The following FLT1 variants were observed in gnomAD, a reference collection of about 807,000 sequenced individuals.
FLT1 encodes fms related receptor tyrosine kinase 1, also known as vascular endothelial growth factor receptor 1.
Under a neutral mutation model 156.3 loss-of-function variants are expected in FLT1, and 49 were observed. The ratio of observed to expected loss-of-function variants is 0.31; its 90% CI spans 0.25 to 0.40. The LOEUF is 0.40. Ranked by LOEUF, FLT1 falls within the 10% of genes least tolerant of loss-of-function variation. The pLI is 1.00. For missense variants in FLT1, 1,322 were observed against 1,637.2 expected (o/e 0.81, Z 3.32); for synonymous variants, 594 against 583.8 (o/e 1.02, Z -0.25).
chr13:28,381,394 C>A (rs1346738498), intron 14 of FLT1, among the ~76,000 whole-genome samples: 1 of 152,014 alleles, frequency 6.6e-6, no homozygotes, highest in Non-Finnish European at 1.5e-5. Flanking sequence ...CCCATCTCTA[C>A]TAAAAATACA....
intron 14 of FLT1, among the ~76,000 whole-genome samples, chr13:28,371,490 C>T (rs1046116420): frequency 1.3e-5 from 2 of 152,128 alleles, no homozygotes; most frequent in Non-Finnish European, 2.9e-5. Flanking sequence ...CTATGAATCC[C>T]TTAGGAGCTG....
chr13:28,376,037 G>A (rs1355821181), intron 14 of FLT1, among the ~76,000 whole-genome samples: 1 of 152,182 alleles, frequency 6.6e-6, no homozygotes, highest in Non-Finnish European at 1.5e-5. Context: ...TCATCCCTGG[G>A]TATTAACAGC....
rs540883826 is a variant in FLT1, at chr13:28,384,878, C to G, written c.2116+7G>C. 3 of 1,613,818 alleles carry G rather than the reference C, an allele frequency of 1.9e-6. No homozygotes were observed. The South Asian group carries it at 3.3e-5, about 18-fold the overall frequency. On this transcript the variant is annotated splice_region_variant and intron_variant, in intron 14 of 29. Coordinates refer to ENST00000282397, the MANE Select transcript of FLT1 (RefSeq NM_002019.4). The stretch of plus-strand genomic sequence containing the variant: ...AATAATAAATGGAAGAAAAAAAAGT[C>G]TCTTACCAGGCTCTTGTTGTATTTT...
intron 1 of FLT1, among the ~76,000 whole-genome samples, chr13:28,488,092 A>G (rs1881264560): frequency 6.6e-6 from 1 of 151,936 alleles, no homozygotes; most frequent in Non-Finnish European, 1.5e-5. Context: ...GTTCATCACT[A>G]GGGTGTTAGT....
chr13:28,313,132 C>T (rs1354865482), intron 25 of FLT1, among the ~76,000 whole-genome samples: 3 of 152,122 alleles, frequency 2.0e-5, no homozygotes, highest in Non-Finnish European at 4.4e-5. Flanking sequence ...GCACCCACCA[C>T]CACACCTGGT....
chr13:28,431,188 A>T lies in FLT1; in HGVS notation c.936T>A (p.Arg312=). ...ATTTGAATGATGGTCCACTCCTTAC[A>T]CGACAAGTATAAAGTCCTTTGTCTT... ...QNKDKGLYTC[R]VRSGPSFKSV... Residue 312 remains arginine, a synonymous_variant, in exon 7 of 30, where the codon CGT becomes CGA. Transcript: ENST00000282397. 2.5e-6 allele frequency: 4 copies of T among 1,613,894 alleles called. No individual in the cohort carries two copies. Among genetic ancestry groups the T allele is most frequent in the Non-Finnish European group, 3.4e-6 (4 of 1,179,756 alleles).
In FLT1 at chr13:28,494,675, A is replaced by G. The variant is rs59975248; in HGVS notation, c.64+105T>C. 1.8e-3 allele frequency: 1,583 copies of G among 861,242 alleles called. 13 individuals are homozygous for G. In the African/African-American group the frequency reaches 0.023, roughly 13 times the overall value. The allele number at this position is 861,242 out of a possible 1,614,324, so 53.4% of individuals were successfully genotyped here. Reference sequence around the variant, plus strand: ...TCGCCGTAGCCAGCTTCTCCGGGCTACAGCCTCGTCTCCCCGCGTGCACCC... The same window carrying G: ...TCGCCGTAGCCAGCTTCTCCGGGCTGCAGCCTCGTCTCCCCGCGTGCACCC... On this transcript the variant is annotated intron_variant, in intron 1 of 29. Transcript: ENST00000282397.
At chr13:28,470,365 G>T (rs896501734) in intron 1 of FLT1, among the ~76,000 whole-genome samples, 5 of 152,158 alleles carry the variant, frequency 3.3e-5, no homozygotes, top group Admixed American at 3.3e-4. Flanking sequence ...AATAGTTTCT[G>T]CCCTTCTTTA....
intron 15 of FLT1, among the ~76,000 whole-genome samples, chr13:28,349,455 CACACAT>C (rs530208144): frequency 0.06 from 9,037 of 149,810 alleles, 343 homozygotes; most frequent in South Asian, 0.11. Flanking sequence ...CACACACACA[CACACAT>C]GCGCACACGC....
chr13:28,320,741 C>T (rs1296769634), intron 23 of FLT1, among the ~76,000 whole-genome samples: 1 of 152,032 alleles, frequency 6.6e-6, no homozygotes, highest in African/African-American at 2.4e-5. Context: ...GGGTGGAAGG[C>T]TTGTTAGGCC....
At chr13:28,466,148 T>G (rs1246202076) in intron 3 of FLT1, among the ~76,000 whole-genome samples, 1 of 152,214 alleles carries the variant, frequency 6.6e-6, no homozygotes, top group African/African-American at 2.4e-5. Flanking sequence ...AGGCCATTTT[T>G]ATTATTCTTT....
At chr13:28,458,813 C>T (rs1879406971) in intron 3 of FLT1, among the ~76,000 whole-genome samples, 1 of 152,164 alleles carries the variant, frequency 6.6e-6, no homozygotes, top group Non-Finnish European at 1.5e-5. Flanking sequence ...AAACTCTCAC[C>T]ATGTGGTCCT....
At chr13:28,340,960 C>T (rs897420019) in intron 16 of FLT1, among the ~76,000 whole-genome samples, 3 of 152,108 alleles carry the variant, frequency 2.0e-5, no homozygotes, top group Admixed American at 6.6e-5. Context: ...GTACTAGGTG[C>T]CCATTAGAGA....
At chr13:28,311,908 T>G in intron 26 of FLT1, 85 bp downstream of exon 26, 2 of 1,069,026 alleles carry the variant, frequency 1.9e-6, no homozygotes, top group Non-Finnish European at 2.9e-6. Context: ...AGCTATTATA[T>G]TAATAGCTCT....
At chr13:28,407,784 G>A (rs776582020) in intron 10 of FLT1, among the ~76,000 whole-genome samples, 1 of 152,140 alleles carries the variant, frequency 6.6e-6, no homozygotes, top group Non-Finnish European at 1.5e-5. Context: ...TTATTGATAA[G>A]TAGAGTAAAC....
chr13:28,352,513 C>A (rs1359250591), intron 15 of FLT1, among the ~76,000 whole-genome samples: 1 of 152,162 alleles, frequency 6.6e-6, no homozygotes, highest in South Asian at 2.1e-4. Context: ...AATTATTTTG[C>A]CTCAAGAACT....
chr13:28,391,076 C>G (rs1303727156), intron 12 of FLT1, among the ~76,000 whole-genome samples: 1 of 152,138 alleles, frequency 6.6e-6, no homozygotes, highest in Non-Finnish European at 1.5e-5. Flanking sequence ...CCTGAGAGAG[C>G]AAAGATTTCT....
rs754160537 is a variant in FLT1, at chr13:28,433,899, C to T, written c.733G>A (p.Gly245Ser). The change falls in exon 6 of 30, where the codon GGC becomes AGC. Residue 245 changes from glycine to serine, a missense_variant. Around this residue, in one of 3 missense-constraint regions of FLT1, gnomAD observed 991 missense variants for 1,254.8 expected, o/e 0.79. Coordinates refer to ENST00000282397, the MANE Select transcript of FLT1 (RefSeq NM_002019.4). ...STPRPVKLLR[G>S]HTLVLNCTAT... Reference sequence around the variant, plus strand: ...GTACAATTGAGGACAAGAGTATGGCCTCTAAGTAATTTGACTGGGCGTGGT... The same window carrying T: ...GTACAATTGAGGACAAGAGTATGGCTTCTAAGTAATTTGACTGGGCGTGGT... 6.2e-7 allele frequency: 1 copy of T among 1,613,916 alleles called. No individual in the cohort carries two copies. The highest frequency in any genetic ancestry group is 8.5e-7 in the Non-Finnish European group (1 of 1,179,840).
At position 28,436,706 on chromosome 13, in the gene FLT1, G is replaced by T. The variant is rs188540966; in HGVS notation, c.513+1515C>A. On this transcript the variant is annotated intron_variant, in intron 4 of 29. Transcript: ENST00000282397. ...GCCATGCTATTGAAAACATGACTTGGTAATATACCAAGTACAGTATTGGGT... is the reference window on the plus strand; with the variant it reads ...GCCATGCTATTGAAAACATGACTTGTTAATATACCAAGTACAGTATTGGGT... Among the ~76,000 whole-genome samples the T allele has an allele frequency of 2.1e-3, 325 of 152,266 alleles. 1 individual carries two copies. The highest frequency in any genetic ancestry group is 7.4e-3 in the African/African-American group (308 of 41,538).
Sources: allele counts gnomAD v4.1 joint callset (sites outside exome capture counted in the v4.1 genomes callset), GRCh38; gene constraint gnomAD v4.1.1; regional missense constraint gnomAD v4.1.1; transcripts MANE v1.5; gene names NCBI Gene and HGNC (gene_info 2026-07-23, HGNC 2026-07-21).